DNAH7: variants seen among roughly 807,000 people sequenced by gnomAD.
The protein encoded by DNAH7 is axonemal beta dynein heavy chain 7.
DNAH7 carries 397 observed loss-of-function variants against 444.6 expected under a neutral mutation model. That is an observed-to-expected ratio of 0.89 (90% confidence interval 0.82 to 0.97). The LOEUF is 0.97. Among genes scored for constraint, DNAH7 ranks in the 50% least tolerant of loss-of-function variants. The pLI is 0.00. For synonymous variants in DNAH7, 1,636 were observed against 1,624.4 expected, an observed-to-expected ratio of 1.01 and a Z score of -0.17; for missense variants, 4,902 against 4,800.8, an observed-to-expected ratio of 1.02 and a Z score of -0.62.
At chr2:196,027,083 G>A (rs1231563393) in intron 6 of DNAH7, 143 bp from the exon 7 acceptor site, 3 of 591,312 alleles carry the variant, frequency 5.1e-6, no homozygotes, top group African/African-American at 1.9e-5. Flanking sequence ...ATTCACATAG[G>A]TATTATTTGA....
chr2:195,960,698 G>A lies in DNAH7; in HGVS notation c.2453C>T (p.Pro818Leu), dbSNP rs770136619. The change falls in exon 18 of 65, where the codon CCA becomes CTA. Residue 818 changes from proline to leucine, a missense_variant. Transcript: ENST00000312428. ...YKLEKTFHDS[P>L]YALAMTKKVR... ...TTTTTTTGTCATTGCCAATGCATAT[G>A]GAGAATCATGAAAGGTTTTCTCCAG... 3 of 1,614,158 alleles carry A rather than the reference G, an allele frequency of 1.9e-6. No individual in the cohort carries two copies. Among genetic ancestry groups the A allele is most frequent in the Admixed American group, 3.3e-5 (2 of 60,020 alleles).
intron 40 of DNAH7, 38 bp downstream of exon 40, chr2:195,872,212 T>G: frequency 6.8e-7 from 1 of 1,480,326 alleles, no homozygotes; most frequent in South Asian, 1.2e-5. Context: ...AAATCTTTGT[T>G]TCTCACATAA....
chr2:195,854,019 G>A (rs959413503), intron 45 of DNAH7, among the ~76,000 whole-genome samples: 3 of 152,038 alleles, frequency 2.0e-5, no homozygotes, highest in Non-Finnish European at 4.4e-5. Context: ...AACTACTCAG[G>A]CACTTGCAAT....
intron 9 of DNAH7, among the ~76,000 whole-genome samples, chr2:196,018,790 T>C (rs1021674212): frequency 5.3e-5 from 8 of 152,104 alleles, no homozygotes; most frequent in African/African-American, 1.9e-4. Flanking sequence ...AATACTTTAA[T>C]TGTACATTTT....
At chr2:195,830,427 G>C (rs1428536346) in intron 48 of DNAH7, among the ~76,000 whole-genome samples, 1 of 152,138 alleles carries the variant, frequency 6.6e-6, no homozygotes, top group African/African-American at 2.4e-5. Context: ...TCCCATGTGA[G>C]ACTTCAAATT....
At chr2:195,932,057 A>G (rs1010715841) in intron 21 of DNAH7, among the ~76,000 whole-genome samples, 14 of 152,348 alleles carry the variant, frequency 9.2e-5, no homozygotes, top group African/African-American at 3.4e-4. Context: ...ACCCATGAGC[A>G]TGGAATGTTC....
intron 12 of DNAH7, chr2:195,995,228 AT>A: frequency 2.6e-6 from 1 of 383,308 alleles, no homozygotes; most frequent in Non-Finnish European, 5.1e-6. Context: ...ATGCCCGGCT[AT>A]TTTTAGACTT....
chr2:195,886,022 C>T lies in DNAH7; in HGVS notation c.5538+119G>A, dbSNP rs547180255. 108 of 1,181,528 alleles carry T rather than the reference C, an allele frequency of 9.1e-5. No homozygotes were observed. In the African/African-American group the frequency reaches 1.5e-3, roughly 17 times the overall value. 73.2% of individuals were successfully genotyped at this position (1,181,528 alleles called of 1,614,324 possible). On this transcript the variant is annotated intron_variant, in intron 34 of 64. Transcript: ENST00000312428. ...GGCTCTTTGCTCATTCTTCAGCTAC[C>T]ACCCGTTGACTAGTCTCCAACTTCA...
intron 63 of DNAH7, among the ~76,000 whole-genome samples, chr2:195,745,145 G>C (rs554953574): frequency 0.017 from 2,557 of 152,210 alleles, 68 homozygotes; most frequent in African/African-American, 0.058. Flanking sequence ...ATAACCAATA[G>C]AGAGAAGTGC....
At position 195,744,435 on chromosome 2, in the gene DNAH7, A is replaced by G. The variant is rs1185807542; in HGVS notation, c.11765-3566T>C. ...TCTGGGGGCAGGGCACAGACAAACA[A>G]ACAAAAAGACAGCAGTAACCTCTGC... On this transcript the variant is annotated intron_variant, in intron 63 of 64. Transcript: ENST00000312428. 2.6e-5 allele frequency among the ~76,000 whole-genome samples: 4 copies of G among 152,140 alleles called. No individual in the cohort carries two copies. The East Asian group carries it at 5.8e-4, about 22-fold the overall frequency.
intron 54 of DNAH7, among the ~76,000 whole-genome samples, chr2:195,799,909 A>G (rs1696364528): frequency 6.6e-6 from 1 of 152,258 alleles, no homozygotes; most frequent in Admixed American, 6.5e-5. Context: ...GAAGAGCTCT[A>G]TTCAAGAGAA....
chr2:195,927,689 T>C (rs924861969), intron 21 of DNAH7, among the ~76,000 whole-genome samples: 2 of 151,654 alleles, frequency 1.3e-5, no homozygotes, highest in African/African-American at 4.8e-5. Context: ...AATATGATTA[T>C]ATAAAGTTCC....
At chr2:195,884,167 C>A (rs995054255) in intron 35 of DNAH7, among the ~76,000 whole-genome samples, 4 of 152,130 alleles carry the variant, frequency 2.6e-5, no homozygotes, top group African/African-American at 7.2e-5. Flanking sequence ...AGTTTCAAAT[C>A]CGTTTGGGAA....
chr2:195,884,168 C>T lies in DNAH7; in HGVS notation c.5763+417G>A, dbSNP rs341949. ...ACCACCCAAGTTTTAGTTTCAAATC[C>T]GTTTGGGAAGCACTGAATTAAGATT... On this transcript the variant is annotated intron_variant, in intron 35 of 64. Coordinates refer to ENST00000312428, the MANE Select transcript of DNAH7 (RefSeq NM_018897.3). 4.2e-3 allele frequency among the ~76,000 whole-genome samples: 634 copies of T among 152,192 alleles called. 5 individuals are homozygous for T. Among genetic ancestry groups the T allele is most frequent in the African/African-American group, 0.013 (524 of 41,534 alleles).
At position 195,741,823 on chromosome 2, in the gene DNAH7, T is replaced by C. The variant is rs138894769; in HGVS notation, c.11765-954A>G. Among the ~76,000 whole-genome samples, 250 of 152,334 alleles carry C rather than the reference T, an allele frequency of 1.6e-3. 1 individual carries two copies. Among genetic ancestry groups the C allele is most frequent in the African/African-American group, 5.8e-3 (243 of 41,562 alleles). ...ATTTTGCAGTGATGGAAATGTTCTA[T>C]GTGTTGTCCTGTATGGTAGCCGCTA... On this transcript the variant is annotated intron_variant, in intron 63 of 64. Transcript: ENST00000312428.
intron 8 of DNAH7, among the ~76,000 whole-genome samples, chr2:196,020,916 G>C (rs1695341637): frequency 6.6e-6 from 1 of 151,808 alleles, no homozygotes; most frequent in South Asian, 2.1e-4. Flanking sequence ...TTGGCCTTTG[G>C]GGCATTTTAA....
intron 9 of DNAH7, among the ~76,000 whole-genome samples, chr2:196,013,241 C>T (rs529769310): frequency 6.6e-6 from 1 of 152,204 alleles, no homozygotes; most frequent in South Asian, 2.1e-4. Flanking sequence ...CTTCTAGGAT[C>T]CACTGCTCTG....
At chr2:195,927,921 T>G (rs1233694740) in intron 21 of DNAH7, among the ~76,000 whole-genome samples, 2 of 152,144 alleles carry the variant, frequency 1.3e-5, no homozygotes, top group African/African-American at 4.8e-5. Flanking sequence ...ATACTTATTT[T>G]CTACATCACT....
intron 56 of DNAH7, among the ~76,000 whole-genome samples, chr2:195,795,139 G>C (rs1696074888): frequency 6.6e-6 from 1 of 152,220 alleles, no homozygotes; most frequent in African/African-American, 2.4e-5. Flanking sequence ...CCAGCACTTT[G>C]GGAGGCCAAG....
Sources: allele counts gnomAD v4.1 joint callset (sites outside exome capture counted in the v4.1 genomes callset), GRCh38; gene constraint gnomAD v4.1.1; transcripts MANE v1.5; gene names NCBI Gene and HGNC (gene_info 2026-07-23, HGNC 2026-07-21).